Variants in CRISPLD1 observed in about 807,000 individuals in gnomAD.
The protein encoded by CRISPLD1 is cysteine rich secretory protein LCCL domain containing 1, also known as cysteine-rich secretory protein LCCL domain-containing 1.
CRISPLD1 carries 60 observed loss-of-function variants against 77.5 expected under a neutral mutation model. That is an observed-to-expected ratio of 0.77 (90% confidence interval 0.63 to 0.96). CRISPLD1 has a LOEUF of 0.96. CRISPLD1 is among the 40% of genes least tolerant of loss of function. CRISPLD1 has a pLI of 0.00. For missense variants in CRISPLD1, 623 were observed against 615.8 expected (o/e 1.01, Z -0.12); for synonymous variants, 195 against 200.1 (o/e 0.97, Z 0.22).
chr8:74,984,849 A>C lies in CRISPLD1; in HGVS notation c.-134A>C, dbSNP rs1812472060. ...GCTCTCCGTCTGCGGTCCCTTGTGA[A>C]GGCTCTGGGCGGCTGCAGAGGCCGG... On this transcript the variant is annotated 5_prime_UTR_variant, in exon 1 of 15. Transcript: ENST00000262207. The C allele has an allele frequency of 4.6e-5, 7 of 152,274 alleles. No individual in the cohort carries two copies. The highest frequency in any genetic ancestry group is 1.7e-4 in the African/African-American group (7 of 41,428). The allele number at this position is 152,274 out of a possible 1,614,324, so 9.4% of individuals were successfully genotyped here. A position where few individuals can be genotyped will look rare whatever the true frequency, so the allele number is the denominator to read the frequency against.
chr8:75,005,939 A>AG (rs1460649342), intron 2 of CRISPLD1, among the ~76,000 whole-genome samples: 1 of 152,118 alleles, frequency 6.6e-6, no homozygotes, highest in Non-Finnish European at 1.5e-5. Context: ...TTGTAGATTC[A>AG]GGGGGTACAG....
At chr8:75,027,529 TATCTTGAG>T (rs1354876388) in intron 13 of CRISPLD1, among the ~76,000 whole-genome samples, 1 of 152,226 alleles carries the variant, frequency 6.6e-6, no homozygotes, top group Non-Finnish European at 1.5e-5. Context: ...TTGGAACTCA[TATCTTGAG>T]ATCATTTTAT....
intron 2 of CRISPLD1, among the ~76,000 whole-genome samples, chr8:75,004,985 G>A (rs1812804463): frequency 6.6e-6 from 1 of 152,084 alleles, no homozygotes; most frequent in Non-Finnish European, 1.5e-5. Context: ...AAGGTTCTAT[G>A]TTGTATTTAT....
At position 74,986,112 on chromosome 8, in the gene CRISPLD1, A is replaced by G; in HGVS notation, c.125A>G (p.Glu42Gly). The G allele has an allele frequency of 6.2e-7, 1 of 1,614,144 alleles. No individual in the cohort carries two copies. The highest frequency in any genetic ancestry group is 8.5e-7 in the Non-Finnish European group (1 of 1,180,024). ...LEKLLEKYMDEDGEWWIAKQR... is the reference protein window; with the variant it reads ...LEKLLEKYMDGDGEWWIAKQR... Reference sequence around the variant, plus strand: ...AAACTTTTGGAAAAATACATGGATGAGGATGGTGAGTGGTGGATAGCCAAA... The same window carrying G: ...AAACTTTTGGAAAAATACATGGATGGGGATGGTGAGTGGTGGATAGCCAAA... The change falls in exon 2 of 15, where the codon GAG (glutamate) becomes GGG (glycine). Residue 42 changes from glutamate (E) to glycine (G), a missense_variant. Coordinates refer to ENST00000262207, the MANE Select transcript of CRISPLD1 (RefSeq NM_031461.6).
intron 2 of CRISPLD1, among the ~76,000 whole-genome samples, chr8:75,004,261 A>G (rs1237403375): frequency 2.0e-5 from 3 of 152,156 alleles, no homozygotes; most frequent in Non-Finnish European, 2.9e-5. Flanking sequence ...CCCTATAACT[A>G]CAAAGTCTAT....
chr8:75,009,402 T>G (rs1012437617), intron 2 of CRISPLD1, among the ~76,000 whole-genome samples: 2 of 152,110 alleles, frequency 1.3e-5, no homozygotes, highest in African/African-American at 4.8e-5. Context: ...TTCTGTTTAT[T>G]AGAAGTGAGT....
chr8:75,010,492 T>C (rs1812910329), intron 2 of CRISPLD1, among the ~76,000 whole-genome samples: 2 of 152,154 alleles, frequency 1.3e-5, no homozygotes, highest in Non-Finnish European at 2.9e-5. Context: ...AACTCACATT[T>C]GTTTTCTGTA....
In CRISPLD1 at chr8:75,032,209, A is replaced by AG; in HGVS notation, c.1472dup (p.Ala493GlyfsTer31). 1.9e-6 allele frequency: 3 copies of AG among 1,608,094 alleles called. No individual in the cohort carries two copies. The highest frequency in any genetic ancestry group is 2.6e-6 in the Non-Finnish European group (3 of 1,176,278). On this transcript the variant is annotated frameshift_variant, in exon 15 of 15. Transcript: ENST00000262207. LOFTEE classifies it high-confidence loss of function. Reference sequence around the variant, plus strand: ...TTTGCAGTTTACAGAATCCTCCAGGAGGAAAGGCATTCAGAGTGTTTGCTG... The same window carrying AG: ...TTTGCAGTTTACAGAATCCTCCAGGAGGGAAAGGCATTCAGAGTGTTTGCTG...
chr8:75,010,068 A>G (rs997200598), intron 2 of CRISPLD1, among the ~76,000 whole-genome samples: 2 of 152,078 alleles, frequency 1.3e-5, no homozygotes, highest in Admixed American at 1.3e-4. Flanking sequence ...TAAAATTAAA[A>G]CTTTTATGAA....
At chr8:75,021,467 G>C (rs576953001) in intron 12 of CRISPLD1, among the ~76,000 whole-genome samples, 5 of 152,144 alleles carry the variant, frequency 3.3e-5, no homozygotes, top group Non-Finnish European at 5.9e-5. Context: ...TCTTCAGCTT[G>C]TGCGTTTGCT....
chr8:74,988,765 G>A (rs1198577238), intron 2 of CRISPLD1, among the ~76,000 whole-genome samples: 1 of 152,098 alleles, frequency 6.6e-6, no homozygotes, highest in Non-Finnish European at 1.5e-5. Context: ...AACCCAGGAG[G>A]GGAAGGTTGT....
rs1052499228 is a variant in CRISPLD1 at position 75,032,789 on chromosome 8, T to C, written c.*547T>C. On this transcript the variant is annotated 3_prime_UTR_variant, in exon 15 of 15. Transcript: ENST00000262207. Reference sequence around the variant, plus strand: ...AGAATATTAAATTCTGATATTGCACTTCTTATTTTATATAAAATAATCCTT... The same window carrying C: ...AGAATATTAAATTCTGATATTGCACCTCTTATTTTATATAAAATAATCCTT... 1.3e-5 allele frequency: 2 copies of C among 152,086 alleles called. No homozygotes were observed. The highest frequency in any genetic ancestry group is 6.6e-5 in the Admixed American group (1 of 15,254). The allele number at this position is 152,086 out of a possible 1,614,324, so 9.4% of individuals were successfully genotyped here.
intron 12 of CRISPLD1, among the ~76,000 whole-genome samples, chr8:75,025,274 A>C (rs768658798): frequency 3.9e-5 from 6 of 152,188 alleles, no homozygotes; most frequent in Non-Finnish European, 5.9e-5. Context: ...ATACATTGAG[A>C]TGCTTTCTGA....
chr8:75,013,982 C>A lies in CRISPLD1; in HGVS notation c.511-5C>A. Reference sequence around the variant, plus strand: ...TTTTCTGAGCCTTTCATTTTTCTAACATAGGTCGTGTGGGCAACTAGTAAC... The same window carrying A: ...TTTTCTGAGCCTTTCATTTTTCTAAAATAGGTCGTGTGGGCAACTAGTAAC... On this transcript the variant is annotated splice_polypyrimidine_tract_variant and splice_region_variant and intron_variant, in intron 4 of 14. Coordinates refer to ENST00000262207, the MANE Select transcript of CRISPLD1 (RefSeq NM_031461.6). The A allele has an allele frequency of 6.3e-7, 1 of 1,598,184 alleles. No homozygotes were observed. The highest frequency in any genetic ancestry group is 8.6e-7 in the Non-Finnish European group (1 of 1,166,062).
chr8:75,030,350 T>C (rs567884965), intron 14 of CRISPLD1, among the ~76,000 whole-genome samples: 1 of 152,230 alleles, frequency 6.6e-6, no homozygotes, highest in East Asian at 1.9e-4. Flanking sequence ...TATTAGACTA[T>C]ATCAAGAGGT....
chr8:75,029,563 A>T, intron 14 of CRISPLD1, 46 bp downstream of exon 14: 2 of 1,571,614 alleles, frequency 1.3e-6, no homozygotes, highest in Non-Finnish European at 1.7e-6. Flanking sequence ...ACCATCTATC[A>T]CTGTATTCAT....
chr8:75,017,070 T>G lies in CRISPLD1; in HGVS notation c.953T>G (p.Leu318Trp), dbSNP rs199841663. The G allele has an allele frequency of 2.1e-5, 34 of 1,612,682 alleles. No homozygotes were observed. Among genetic ancestry groups the G allele is most frequent in the Non-Finnish European group, 2.1e-5 (25 of 1,179,282 alleles). The change falls in exon 9 of 15, where the codon TTG becomes TGG. Residue 318 changes from leucine (L) to tryptophan (W), a missense_variant. By Grantham distance (61) the Leu-to-Trp change is moderately conservative. Coordinates refer to ENST00000262207, the MANE Select transcript of CRISPLD1 (RefSeq NM_031461.6). ...AGGTACGAATGTCCTGCTGGCTGTT[T>G]GGATAGTAAAGCTAAAGTTATTGGC... ...CNRYECPAGC[L>W]DSKAKVIGSV...
intron 13 of CRISPLD1, chr8:75,026,338 C>G (rs1813235537): frequency 6.6e-6 from 1 of 152,454 alleles, no homozygotes; most frequent in Non-Finnish European, 1.5e-5. Flanking sequence ...TTCCAAGGTG[C>G]CAGGCCTGTT....
chr8:75,027,109 T>A (rs1361222381), intron 13 of CRISPLD1, among the ~76,000 whole-genome samples: 1 of 152,226 alleles, frequency 6.6e-6, no homozygotes, highest in Non-Finnish European at 1.5e-5. Flanking sequence ...GCACTTAGCC[T>A]GTTGTATTGG....
Sources: gnomAD v4.1 joint callset for allele counts (sites outside exome capture counted in the v4.1 genomes callset) on GRCh38, gnomAD v4.1.1 for gene constraint, MANE v1.5 for transcripts, NCBI Gene and HGNC (gene_info 2026-07-23, HGNC 2026-07-21) for gene names.